Variants in DNAJC1 observed in about 807,000 individuals in gnomAD.
DNAJC1 encodes the protein DnaJ heat shock protein family (Hsp40) member C1.
Under a neutral mutation model 76.6 loss-of-function variants are expected in DNAJC1, and 58 were observed. The ratio of observed to expected loss-of-function variants is 0.76; its 90% CI spans 0.61 to 0.94. DNAJC1 has a LOEUF of 0.94. Among genes scored for constraint, DNAJC1 ranks in the 40% least tolerant of loss-of-function variants. The pLI is 0.00. For synonymous variants in DNAJC1, 258 were observed against 267.9 expected, an observed-to-expected ratio of 0.96 and a Z score of 0.36; for missense variants, 689 against 677.3, an observed-to-expected ratio of 1.02 and a Z score of -0.19.
chr10:21,874,668 T>C (rs1399509421), intron 8 of DNAJC1, among the ~76,000 whole-genome samples: 1 of 152,148 alleles, frequency 6.6e-6, no homozygotes, highest in African/African-American at 2.4e-5. Flanking sequence ...TATGGTTTTA[T>C]TTTATTTTCT....
At chr10:21,845,742 G>A (rs937414409) in intron 8 of DNAJC1, among the ~76,000 whole-genome samples, 1 of 151,988 alleles carries the variant, frequency 6.6e-6, no homozygotes, top group African/African-American at 2.4e-5. Flanking sequence ...CAAGGCAATT[G>A]TTTTAATGCA....
intron 10 of DNAJC1, among the ~76,000 whole-genome samples, chr10:21,760,774 T>C: frequency 6.6e-6 from 1 of 152,232 alleles, no homozygotes; most frequent in East Asian, 1.9e-4. Context: ...ATTTGTCAAA[T>C]GGAGGTGAAC....
chr10:21,952,554 C>T (rs977546680), intron 1 of DNAJC1, among the ~76,000 whole-genome samples: 6 of 152,060 alleles, frequency 3.9e-5, no homozygotes, highest in East Asian at 1.9e-4. Flanking sequence ...GTCGGGAGTT[C>T]GTGACTAGCC....
intron 9 of DNAJC1, among the ~76,000 whole-genome samples, chr10:21,778,772 A>C (rs1834486079): frequency 2.0e-5 from 3 of 152,206 alleles, no homozygotes; most frequent in South Asian, 4.1e-4. Context: ...GCAGCCCACC[A>C]AGCGTGAGCC....
intron 1 of DNAJC1, among the ~76,000 whole-genome samples, chr10:21,953,821 T>TA (rs779370823): frequency 0.027 from 2,253 of 84,758 alleles, 45 homozygotes; most frequent in African/African-American, 0.076. Flanking sequence ...AACTGAACTT[T>TA]AAAAAAAAAA....
At chr10:21,826,148 G>C (rs1835246273) in intron 8 of DNAJC1, among the ~76,000 whole-genome samples, 1 of 147,618 alleles carries the variant, frequency 6.8e-6, no homozygotes, top group Admixed American at 6.9e-5. Context: ...TGAGGCAGGA[G>C]AATGGCTTGA....
At chr10:21,781,663 G>A (rs1834529040) in intron 9 of DNAJC1, among the ~76,000 whole-genome samples, 1 of 147,386 alleles carries the variant, frequency 6.8e-6, no homozygotes. Flanking sequence ...GGAGCTTGCA[G>A]TGAGCCGAGA....
At chr10:21,957,581 A>C (rs1467093384) in intron 1 of DNAJC1, among the ~76,000 whole-genome samples, 1 of 152,202 alleles carries the variant, frequency 6.6e-6, no homozygotes, top group Admixed American at 6.5e-5. Flanking sequence ...GTACTATATC[A>C]AATTGGCAAC....
chr10:21,813,175 CCTCTCTCTCTCTCTCT>C (rs532971786), intron 8 of DNAJC1, among the ~76,000 whole-genome samples: 356 of 28,302 alleles, frequency 0.013, 6 homozygotes, highest in Middle Eastern at 0.11. Context: ...TCTCTCTCTC[CCTCTCTCTCTCTCTCT>C]CTCTCTCTCT....
At position 21,929,123 on chromosome 10, in the gene DNAJC1, T is replaced by A. The variant is rs1220350369; in HGVS notation, c.241A>T (p.Ile81Phe). 1 of 1,611,280 alleles carries A rather than the reference T, an allele frequency of 6.2e-7. No individual in the cohort carries two copies. The highest frequency in any genetic ancestry group is 8.5e-7 in the Non-Finnish European group (1 of 1,179,192). ...GAAAGCTTACGATATGCTTTTCTGA[T>A]GTCTGCAGATGATGCATCCTGGAGG... ...GVQQDASSAD[I>F]RKAYRKLSLT... The change falls in exon 2 of 12, where the codon ATC becomes TTC. Residue 81 changes from isoleucine to phenylalanine, a missense_variant. Transcript: ENST00000376980.
In DNAJC1 at chr10:21,845,724, A is replaced by C. The variant is rs530867221; in HGVS notation, c.978+36558T>G. Among the ~76,000 whole-genome samples, 12 of 152,274 alleles carry C rather than the reference A, an allele frequency of 7.9e-5. No individual in the cohort carries two copies. The South Asian group carries it at 2.5e-3, about 32-fold the overall frequency. On this transcript the variant is annotated intron_variant, in intron 8 of 11. Coordinates refer to ENST00000376980, the MANE Select transcript of DNAJC1 (RefSeq NM_022365.4). ...TTAATTCAATTATTTTTTTATTGTG[A>C]AATGCTCCAAGGCAATTGTTTTAAT...
intron 1 of DNAJC1, among the ~76,000 whole-genome samples, chr10:21,999,062 G>C (rs771225317): frequency 5.9e-5 from 9 of 152,172 alleles, no homozygotes; most frequent in Non-Finnish European, 1.3e-4. Flanking sequence ...TGGTGGATAA[G>C]GGGATAAAGA....
chr10:21,876,552 AAAC>A (rs1363725925), intron 8 of DNAJC1, among the ~76,000 whole-genome samples: 5 of 152,240 alleles, frequency 3.3e-5, no homozygotes, highest in East Asian at 1.9e-4. Flanking sequence ...AATTTGTGGA[AAAC>A]AACAAGCTGC....
intron 8 of DNAJC1, among the ~76,000 whole-genome samples, chr10:21,821,630 G>A (rs1435008196): frequency 1.3e-5 from 2 of 152,094 alleles, no homozygotes; most frequent in African/African-American, 4.8e-5. Context: ...ACATACAAGT[G>A]AGAAATGACA....
intron 6 of DNAJC1, among the ~76,000 whole-genome samples, chr10:21,911,066 A>C (rs953524364): frequency 3.1e-4 from 44 of 143,822 alleles, no homozygotes; most frequent in Middle Eastern, 3.5e-3. Flanking sequence ...GAAGGAAGGA[A>C]GGAAGGAAGG....
chr10:21,909,381 T>G (rs747332829), intron 6 of DNAJC1, among the ~76,000 whole-genome samples: 1 of 152,232 alleles, frequency 6.6e-6, no homozygotes, highest in Non-Finnish European at 1.5e-5. Flanking sequence ...CATTATTATA[T>G]GTATTGTACA....
At chr10:21,884,717 T>C (rs1337503884) in intron 7 of DNAJC1, among the ~76,000 whole-genome samples, 2 of 152,144 alleles carry the variant, frequency 1.3e-5, no homozygotes, top group Non-Finnish European at 2.9e-5. Context: ...AAGTATGAAA[T>C]CACCATTGAA....
At chr10:21,952,093 C>T (rs968041597) in intron 1 of DNAJC1, among the ~76,000 whole-genome samples, 5 of 152,128 alleles carry the variant, frequency 3.3e-5, no homozygotes, top group Non-Finnish European at 5.9e-5. Context: ...CTGTTGCCAA[C>T]ATTATTGTTA....
chr10:21,957,355 C>A (rs1029835416), intron 1 of DNAJC1, among the ~76,000 whole-genome samples: 6 of 152,248 alleles, frequency 3.9e-5, no homozygotes, highest in African/African-American at 1.4e-4. Context: ...CATCTTAATT[C>A]TTTTCCTCTA....
Sources: gnomAD v4.1 joint callset for allele counts (sites outside exome capture counted in the v4.1 genomes callset) on GRCh38, gnomAD v4.1.1 for gene constraint, MANE v1.5 for transcripts, NCBI Gene and HGNC (gene_info 2026-07-23, HGNC 2026-07-21) for gene names.